Variants in FSTL5 observed in about 807,000 individuals in gnomAD.
FSTL5 encodes follistatin like 5, also known as follistatin-related protein 5.
FSTL5 carries 62 observed loss-of-function variants against 89.1 expected under a neutral mutation model. The observed-to-expected ratio is 0.70, with a 90% CI of 0.57 to 0.86. FSTL5 has a LOEUF of 0.86. Among genes scored for constraint, FSTL5 ranks in the 40% least tolerant of loss-of-function variants. The pLI is 0.00. For synonymous variants in FSTL5, 383 were observed against 346.2 expected, an observed-to-expected ratio of 1.11 and a Z score of -1.18; for missense variants, 1,057 against 1,001.6, an observed-to-expected ratio of 1.06 and a Z score of -0.75.
intron 4 of FSTL5, among the ~76,000 whole-genome samples, chr4:161,874,416 A>T (rs1732373106): frequency 6.6e-6 from 1 of 151,828 alleles, no homozygotes; most frequent in Admixed American, 6.6e-5. Flanking sequence ...TTTGGGGTGG[A>T]TCTCATTTAT....
At chr4:161,741,681 A>ATTTTTT (rs367947098) in intron 6 of FSTL5, among the ~76,000 whole-genome samples, 2 of 104,672 alleles carry the variant, frequency 1.9e-5, no homozygotes, top group Non-Finnish European at 4.1e-5. Context: ...GAGAAGTATG[A>ATTTTTT]TTTTTTTTTT....
chr4:161,970,372 T>A (rs1735447629), intron 3 of FSTL5, among the ~76,000 whole-genome samples: 3 of 152,138 alleles, frequency 2.0e-5, no homozygotes, highest in Admixed American at 2.0e-4. Flanking sequence ...ACTTTGATTC[T>A]GAATATCAGT....
chr4:162,116,232 T>G (rs1344364615), intron 1 of FSTL5, among the ~76,000 whole-genome samples: 2 of 152,056 alleles, frequency 1.3e-5, no homozygotes, highest in African/African-American at 4.8e-5. Flanking sequence ...GCTCAAAGGG[T>G]GAGGCTGCAG....
At chr4:162,009,595 T>C (rs1040006496) in intron 3 of FSTL5, among the ~76,000 whole-genome samples, 1 of 151,988 alleles carries the variant, frequency 6.6e-6, no homozygotes, top group Admixed American at 6.6e-5. Context: ...CAGTGGACAA[T>C]ATAAGAGAAA....
chr4:161,476,173 G>GT (rs1231231673), intron 13 of FSTL5, among the ~76,000 whole-genome samples: 3,390 of 80,208 alleles, frequency 0.042, 119 homozygotes, highest in Admixed American at 0.051. Context: ...AAGTTTGCTG[G>GT]TTTTTTTTTT....
chr4:162,103,335 T>C (rs1017513613), intron 2 of FSTL5, among the ~76,000 whole-genome samples: 1 of 152,222 alleles, frequency 6.6e-6, no homozygotes, highest in Non-Finnish European at 1.5e-5. Flanking sequence ...AAAGGTAGAA[T>C]GAAGCTATAA....
At chr4:161,491,808 C>T (rs1553991274) in intron 12 of FSTL5, among the ~76,000 whole-genome samples, 1 of 150,460 alleles carries the variant, frequency 6.6e-6, no homozygotes, top group Non-Finnish European at 1.5e-5. Flanking sequence ...CCACTGAAAT[C>T]CAGCCTGGGC....
At chr4:161,622,609 T>C (rs2126647715) in intron 7 of FSTL5, among the ~76,000 whole-genome samples, 1 of 152,138 alleles carries the variant, frequency 6.6e-6, no homozygotes, top group East Asian at 1.9e-4. Context: ...GAAAAGTTAG[T>C]TTAATCCTTG....
intron 3 of FSTL5, among the ~76,000 whole-genome samples, chr4:161,960,613 TA>T (rs1186019707): frequency 6.6e-6 from 1 of 152,134 alleles, no homozygotes; most frequent in Non-Finnish European, 1.5e-5. Flanking sequence ...TATAACTGGC[TA>T]AAAACAACTT....
chr4:162,121,536 C>T (rs1731864027), intron 1 of FSTL5, among the ~76,000 whole-genome samples: 1 of 152,030 alleles, frequency 6.6e-6, no homozygotes, highest in African/African-American at 2.4e-5. Flanking sequence ...TGTTGGTATA[C>T]ACACAGAATG....
intron 8 of FSTL5, 25 bp downstream of exon 8, chr4:161,587,430 T>G: frequency 6.2e-7 from 1 of 1,610,738 alleles, no homozygotes; most frequent in Non-Finnish European, 8.5e-7. Flanking sequence ...TTTGAATAGT[T>G]AGGGTAACAA....
At chr4:161,987,388 G>A (rs1206566036) in intron 3 of FSTL5, among the ~76,000 whole-genome samples, 6 of 150,376 alleles carry the variant, frequency 4.0e-5, no homozygotes, top group South Asian at 2.1e-4. Context: ...TTAGAATGGC[G>A]GGGAAGGAGA....
At chr4:161,867,831 A>G (rs754400684) in intron 4 of FSTL5, among the ~76,000 whole-genome samples, 26 of 151,856 alleles carry the variant, frequency 1.7e-4, no homozygotes, top group Admixed American at 6.6e-5. Flanking sequence ...CATTTCAGAC[A>G]TCTAAGATGG....
intron 3 of FSTL5, among the ~76,000 whole-genome samples, chr4:161,982,248 C>A (rs927340538): frequency 1.3e-5 from 2 of 152,186 alleles, no homozygotes; most frequent in African/African-American, 4.8e-5. Context: ...ATGAGCTGCA[C>A]AAGAGATACT....
At chr4:161,591,514 C>T (rs1246904028) in intron 7 of FSTL5, among the ~76,000 whole-genome samples, 2 of 147,486 alleles carry the variant, frequency 1.4e-5, no homozygotes, top group African/African-American at 5.0e-5. Context: ...ATATGGAATA[C>T]TTAAATCCAA....
chr4:162,031,229 T>A (rs1737508150), intron 3 of FSTL5, among the ~76,000 whole-genome samples: 1 of 152,140 alleles, frequency 6.6e-6, no homozygotes, highest in African/African-American at 2.4e-5. Context: ...AGGCACAGAA[T>A]GCAGAAAATA....
At chr4:162,072,927 C>T (rs1729688183) in intron 2 of FSTL5, among the ~76,000 whole-genome samples, 1 of 151,710 alleles carries the variant, frequency 6.6e-6, no homozygotes. Context: ...GAGAATTTCT[C>T]CTGCCTAACT....
intron 15 of FSTL5, among the ~76,000 whole-genome samples, chr4:161,416,616 G>T (rs897797810): frequency 3.9e-5 from 6 of 152,068 alleles, no homozygotes; most frequent in South Asian, 4.1e-4. Flanking sequence ...AGGCCCAGGT[G>T]GGGGGATCAC....
chr4:161,517,471 T>C (rs1435503259), intron 10 of FSTL5, among the ~76,000 whole-genome samples: 1 of 152,206 alleles, frequency 6.6e-6, no homozygotes, highest in African/African-American at 2.4e-5. Flanking sequence ...AATAGATGCC[T>C]GACAGGAGTG....
Sources: gnomAD v4.1 joint callset for allele counts (sites outside exome capture counted in the v4.1 genomes callset) on GRCh38, gnomAD v4.1.1 for gene constraint, MANE v1.5 for transcripts, NCBI Gene and HGNC (gene_info 2026-07-23, HGNC 2026-07-21) for gene names.